Variants in ATRNL1 observed in about 807,000 individuals in gnomAD.
The protein encoded by ATRNL1 is attractin-like protein 1.
Under a neutral mutation model 182.7 loss-of-function variants are expected in ATRNL1, and 95 were observed. That is an observed-to-expected ratio of 0.52 (90% CI 0.44 to 0.62). The LOEUF is 0.62. Ranked by LOEUF, ATRNL1 falls within the 20% of genes least tolerant of loss-of-function variation. The probability of loss-of-function intolerance (pLI) is 0.00; values close to 1 mark genes in which losing one functional copy is unlikely to be tolerated. For missense variants in ATRNL1, 1,471 were observed against 1,679.5 expected (o/e 0.88, Z 2.17); for synonymous variants, 576 against 568.3 (o/e 1.01, Z -0.19).
At chr10:115,847,418 G>A (rs1555099083) in intron 27 of ATRNL1, among the ~76,000 whole-genome samples, 2 of 152,114 alleles carry the variant, frequency 1.3e-5, no homozygotes, top group Admixed American at 6.5e-5. Flanking sequence ...ATGTTACTTC[G>A]ATTGACTGTA....
At chr10:115,859,596 A>G (rs1555103017) in intron 28 of ATRNL1, among the ~76,000 whole-genome samples, 1 of 152,148 alleles carries the variant, frequency 6.6e-6, no homozygotes. Flanking sequence ...CCTTCTAGTC[A>G]CAGAAACATT....
chr10:115,217,721 A>G (rs1201409303), intron 9 of ATRNL1, among the ~76,000 whole-genome samples: 1 of 152,228 alleles, frequency 6.6e-6, no homozygotes, highest in African/African-American at 2.4e-5. Context: ...CTGGATATTT[A>G]TATGTAAAAC....
chr10:115,557,899 G>A (rs1164145187), intron 26 of ATRNL1, among the ~76,000 whole-genome samples: 1 of 151,900 alleles, frequency 6.6e-6, no homozygotes, highest in African/African-American at 2.4e-5. Flanking sequence ...ACAAGAATTA[G>A]CCGGGTGTGG....
chr10:115,903,939 A>T (rs1589670450), intron 28 of ATRNL1, among the ~76,000 whole-genome samples: 1 of 152,144 alleles, frequency 6.6e-6, no homozygotes, highest in South Asian at 2.1e-4. Context: ...AGCTGACACC[A>T]AGACGAGGTG....
chr10:115,253,021 A>G (rs545617985), intron 10 of ATRNL1, among the ~76,000 whole-genome samples: 15 of 152,364 alleles, frequency 9.8e-5, no homozygotes, highest in Admixed American at 4.6e-4. Flanking sequence ...TGTATGATCC[A>G]GCTCTCAAAC....
At chr10:115,311,236 C>A (rs372434393) in intron 17 of ATRNL1, among the ~76,000 whole-genome samples, 2 of 144,070 alleles carry the variant, frequency 1.4e-5, no homozygotes, top group East Asian at 2.1e-4. Flanking sequence ...GTGGCCCAGG[C>A]TGGAGTGCCG....
In ATRNL1 at chr10:115,129,620, A is replaced by G; in HGVS notation, c.829+85A>G. ...ACAAATTCCACACGTTTGTTTCGTT[A>G]TAGTTTGCACACCCAAGCCTTATAT... is the stretch of plus-strand genomic sequence containing the variant. On this transcript the variant is annotated intron_variant, in intron 5 of 28. Coordinates refer to ENST00000355044, the MANE Select transcript of ATRNL1 (RefSeq NM_207303.4). The G allele has an allele frequency of 3.5e-6, 4 of 1,143,264 alleles. No individual in the cohort carries two copies. In the Admixed American group the frequency reaches 6.1e-5, roughly 17 times the overall value. 70.8% of individuals were successfully genotyped at this position (1,143,264 alleles called of 1,614,324 possible). A position where few individuals can be genotyped will look rare whatever the true frequency, so the allele number is the denominator to read the frequency against.
At chr10:115,925,468 T>C (rs1285978770) in intron 28 of ATRNL1, among the ~76,000 whole-genome samples, 1 of 151,906 alleles carries the variant, frequency 6.6e-6, no homozygotes, top group Non-Finnish European at 1.5e-5. Flanking sequence ...GACTGGTAAA[T>C]TGGATAAAGA....
At chr10:115,773,565 G>A (rs1208199906) in intron 27 of ATRNL1, among the ~76,000 whole-genome samples, 1 of 152,072 alleles carries the variant, frequency 6.6e-6, no homozygotes, top group Non-Finnish European at 1.5e-5. Flanking sequence ...GTAATCTATG[G>A]TACAAAATGT....
chr10:115,796,544 A>G (rs528914184), intron 27 of ATRNL1, among the ~76,000 whole-genome samples: 2 of 152,292 alleles, frequency 1.3e-5, no homozygotes, highest in South Asian at 4.1e-4. Context: ...TTTTATTCTC[A>G]GTTCTTAACA....
At chr10:115,295,292 G>A (rs1404501716) in intron 15 of ATRNL1, among the ~76,000 whole-genome samples, 1 of 152,058 alleles carries the variant, frequency 6.6e-6, no homozygotes, top group African/African-American at 2.4e-5. Context: ...ATTGCTGCTC[G>A]GCTGGCTTGG....
chr10:115,328,169 A>G (rs1855016023), intron 18 of ATRNL1, among the ~76,000 whole-genome samples: 1 of 152,020 alleles, frequency 6.6e-6, no homozygotes, highest in Non-Finnish European at 1.5e-5. Context: ...TTTTAATAAC[A>G]TTATTGTAAA....
chr10:115,581,312 G>T, intron 26 of ATRNL1, among the ~76,000 whole-genome samples: 1 of 152,056 alleles, frequency 6.6e-6, no homozygotes, highest in Non-Finnish European at 1.5e-5. Flanking sequence ...CAAGATAGAA[G>T]CCAGTCCCTT....
At position 115,568,292 on chromosome 10, in the gene ATRNL1, G is replaced by T. The variant is rs372826279; in HGVS notation, c.3795+18756G>T. On this transcript the variant is annotated intron_variant, in intron 26 of 28. Coordinates refer to ENST00000355044, the MANE Select transcript of ATRNL1 (RefSeq NM_207303.4). Reference sequence around the variant, plus strand: ...CAAGATACAGAATAAATTATAATTGGTTTCATCTTTTTTATGTTAAAAATT... The same window carrying T: ...CAAGATACAGAATAAATTATAATTGTTTTCATCTTTTTTATGTTAAAAATT... Among the ~76,000 whole-genome samples, 332 of 151,934 alleles carry T rather than the reference G, an allele frequency of 2.2e-3. 5 individuals are homozygous for T. Among genetic ancestry groups the T allele is most frequent in the African/African-American group, 7.6e-3 (316 of 41,488 alleles).
chr10:115,847,816 G>A, intron 27 of ATRNL1, 61 bp from the exon 28 acceptor site: 2 of 877,100 alleles, frequency 2.3e-6, no homozygotes, highest in South Asian at 1.4e-5. Flanking sequence ...TAGATAAGGT[G>A]AAAATTAAAA....
Position 115,281,391 on chromosome 10 carries a change from G to C in ATRNL1, c.2137G>C (p.Glu713Gln), listed in dbSNP as rs782398934. 1 of 1,613,202 alleles carries C rather than the reference G, an allele frequency of 6.2e-7. No individual in the cohort carries two copies. The highest frequency in any genetic ancestry group is 1.3e-5 in the African/African-American group (1 of 74,894). The change falls in exon 14 of 29, where the codon GAG becomes CAG. Residue 713 changes from glutamate (E) to glutamine (Q), a missense_variant. Transcript: ENST00000355044. ...CTACACCAAATGTCATGTGAGAAAT[G>C]AGCAGATTTGTAACAAACTTACCAG... Reference protein sequence around the residue: ...KNYTKCHVRNEQICNKLTSCK... With the variant: ...KNYTKCHVRNQQICNKLTSCK...
intron 26 of ATRNL1, among the ~76,000 whole-genome samples, chr10:115,629,745 T>G (rs1178770364): frequency 6.6e-6 from 1 of 152,110 alleles, no homozygotes; most frequent in Non-Finnish European, 1.5e-5. Context: ...GCTCATCATT[T>G]CCTTAACTCT....
At chr10:115,130,393 C>T (rs977753359) in intron 5 of ATRNL1, among the ~76,000 whole-genome samples, 1 of 152,026 alleles carries the variant, frequency 6.6e-6, no homozygotes, top group Admixed American at 6.6e-5. Context: ...ACATACTCTT[C>T]ATGAAGTTGT....
chr10:115,611,245 G>A (rs1282592999), intron 26 of ATRNL1, among the ~76,000 whole-genome samples: 2 of 151,866 alleles, frequency 1.3e-5, no homozygotes, highest in Non-Finnish European at 2.9e-5. Context: ...AAATAATTTC[G>A]TATCTAATGT....
Sources: allele counts gnomAD v4.1 joint callset (sites outside exome capture counted in the v4.1 genomes callset), GRCh38; gene constraint gnomAD v4.1.1; transcripts MANE v1.5; gene names NCBI Gene and HGNC (gene_info 2026-07-23, HGNC 2026-07-21).